ADAMTS6: variants seen among roughly 807,000 people sequenced by gnomAD.
ADAMTS6 encodes ADAM metallopeptidase with thrombospondin type 1 motif 6.
A neutral mutation model predicts 144.3 loss-of-function variants in ADAMTS6; 23 were observed. The ratio of observed to expected loss-of-function variants is 0.16; its 90% confidence interval spans 0.11 to 0.23. The LOEUF is 0.23. Among genes scored for constraint, ADAMTS6 ranks in the 10% least tolerant of loss-of-function variants. The pLI is 1.00. For missense variants in ADAMTS6, 999 were observed against 1,379.6 expected (o/e 0.72, Z 4.37); for synonymous variants, 444 against 457.5 (o/e 0.97, Z 0.38).
intron 9 of ADAMTS6, among the ~76,000 whole-genome samples, chr5:65,312,855 A>AT (rs1245388070): frequency 6.6e-6 from 1 of 151,998 alleles, no homozygotes; most frequent in Non-Finnish European, 1.5e-5. Flanking sequence ...GGGTGTATGT[A>AT]TGTGTGTGGG....
chr5:65,193,581 C>T (rs1411681999), intron 21 of ADAMTS6, among the ~76,000 whole-genome samples: 1 of 151,986 alleles, frequency 6.6e-6, no homozygotes, highest in East Asian at 1.9e-4. Context: ...ATAATAATAA[C>T]GACTGTTGTT....
intron 3 of ADAMTS6, among the ~76,000 whole-genome samples, chr5:65,469,325 C>G (rs1274952761): frequency 6.6e-6 from 1 of 152,104 alleles, no homozygotes; most frequent in African/African-American, 2.4e-5. Context: ...CTCTCAAATC[C>G]CACAATGGAA....
At chr5:65,422,814 A>G (rs1756182491) in intron 7 of ADAMTS6, among the ~76,000 whole-genome samples, 1 of 152,180 alleles carries the variant, frequency 6.6e-6, no homozygotes, top group Admixed American at 6.5e-5. Flanking sequence ...AAAGGAAAAG[A>G]AGTCATAATA....
chr5:65,183,171 G>A (rs1299284083), intron 22 of ADAMTS6, among the ~76,000 whole-genome samples: 3 of 152,272 alleles, frequency 2.0e-5, no homozygotes, highest in South Asian at 2.1e-4. Flanking sequence ...AAGCAGAGAA[G>A]TCCTCAGTTT....
At chr5:65,398,528 C>T (rs746149969) in intron 7 of ADAMTS6, among the ~76,000 whole-genome samples, 2 of 152,066 alleles carry the variant, frequency 1.3e-5, no homozygotes, top group African/African-American at 2.4e-5. Flanking sequence ...AGTTCGAGAC[C>T]GGCCTGGCCA....
chr5:65,212,110 C>A (rs1263131137), intron 20 of ADAMTS6, among the ~76,000 whole-genome samples: 1 of 152,184 alleles, frequency 6.6e-6, no homozygotes, highest in African/African-American at 2.4e-5. Flanking sequence ...CGAAGAGTTT[C>A]TGTTCAGTAG....
At chr5:65,466,824 C>T (rs1180576722) in intron 3 of ADAMTS6, among the ~76,000 whole-genome samples, 3 of 152,090 alleles carry the variant, frequency 2.0e-5, no homozygotes, top group South Asian at 2.1e-4. Context: ...GGGCGGATCA[C>T]GAGGTCAGGA....
chr5:65,292,702 T>C (rs1008427612), intron 10 of ADAMTS6, among the ~76,000 whole-genome samples: 1 of 152,128 alleles, frequency 6.6e-6, no homozygotes, highest in Non-Finnish European at 1.5e-5. Flanking sequence ...GTCTTCTTTA[T>C]ATCCTTCTCC....
chr5:65,282,815 G>C (rs991635819), intron 11 of ADAMTS6, among the ~76,000 whole-genome samples: 1 of 152,000 alleles, frequency 6.6e-6, no homozygotes, highest in Non-Finnish European at 1.5e-5. Flanking sequence ...TCCCATCGTG[G>C]CCTCAACTAG....
chr5:65,282,998 A>T (rs1763104323), intron 11 of ADAMTS6, among the ~76,000 whole-genome samples: 1 of 151,994 alleles, frequency 6.6e-6, no homozygotes, highest in African/African-American at 2.4e-5. Flanking sequence ...CCCTTGGGAA[A>T]CTCTAAATTC....
intron 15 of ADAMTS6, among the ~76,000 whole-genome samples, chr5:65,236,139 T>C (rs1239144751): frequency 6.6e-6 from 1 of 152,134 alleles, no homozygotes; most frequent in African/African-American, 2.4e-5. Context: ...ATTGATAGAA[T>C]GAGAGTAGAA....
intron 14 of ADAMTS6, among the ~76,000 whole-genome samples, chr5:65,260,152 T>C (rs1761053562): frequency 6.6e-6 from 1 of 152,050 alleles, no homozygotes. Context: ...GAAGTTTCAG[T>C]AGTTGGGCAG....
chr5:65,247,283 C>T (rs1759714018), intron 14 of ADAMTS6, among the ~76,000 whole-genome samples: 1 of 152,162 alleles, frequency 6.6e-6, no homozygotes, highest in Non-Finnish European at 1.5e-5. Flanking sequence ...CAATAGTCTT[C>T]CAACTATCTT....
chr5:65,170,593 G>T (rs777832492), intron 24 of ADAMTS6, 24 bp downstream of exon 24: 20 of 1,611,930 alleles, frequency 1.2e-5, no homozygotes, highest in Non-Finnish European at 1.7e-5. Context: ...GAAACCACAG[G>T]CCCCTCCTCC....
chr5:65,182,443 C>CAAA (rs1216237939), intron 22 of ADAMTS6, among the ~76,000 whole-genome samples: 71 of 56,062 alleles, frequency 1.3e-3, no homozygotes, highest in East Asian at 1.5e-3. Context: ...GACTCCATCT[C>CAAA]AAAAAAAAAA....
chr5:65,360,100 C>T (rs1749685339), intron 7 of ADAMTS6, among the ~76,000 whole-genome samples: 1 of 152,134 alleles, frequency 6.6e-6, no homozygotes, highest in South Asian at 2.1e-4. Flanking sequence ...TGAATTGGCT[C>T]ATGTTCCACA....
chr5:65,235,815 CCTGA>C (rs1218190975), intron 15 of ADAMTS6, among the ~76,000 whole-genome samples: 1 of 151,958 alleles, frequency 6.6e-6, no homozygotes, highest in Non-Finnish European at 1.5e-5. Flanking sequence ...TCTAGAGAAC[CCTGA>C]CTAATACAGT....
chr5:65,298,585 C>T (rs779861974), intron 10 of ADAMTS6, among the ~76,000 whole-genome samples: 2 of 152,096 alleles, frequency 1.3e-5, no homozygotes, highest in African/African-American at 2.4e-5. Context: ...AGATATCTTA[C>T]AAATGCTCTG....
chr5:65,421,749 G>C (rs570817289), intron 7 of ADAMTS6, among the ~76,000 whole-genome samples: 30 of 152,242 alleles, frequency 2.0e-4, no homozygotes, highest in African/African-American at 7.0e-4. Context: ...TGGAAAACTG[G>C]ATAGCCACGT....
Sources: gnomAD v4.1 joint callset for allele counts (sites outside exome capture counted in the v4.1 genomes callset) on GRCh38, gnomAD v4.1.1 for gene constraint, MANE v1.5 for transcripts, NCBI Gene and HGNC (gene_info 2026-07-23, HGNC 2026-07-21) for gene names.